EPHA3: variants seen among roughly 807,000 people sequenced by gnomAD.
EPHA3 encodes the protein EPH receptor A3, also known as ephrin type-A receptor 3.
In EPHA3, 42 loss-of-function variants were observed where a neutral mutation model predicts 107.1. The ratio of observed to expected loss-of-function variants is 0.39; its 90% confidence interval spans 0.31 to 0.51. The LOEUF (loss-of-function observed/expected upper bound fraction) is 0.51. Ranked by LOEUF, EPHA3 falls within the 20% of genes least tolerant of loss-of-function variation. The probability of loss-of-function intolerance (pLI) is 0.78; values close to 1 mark genes in which losing one functional copy is unlikely to be tolerated. For missense variants in EPHA3, 1,183 were observed against 1,211.2 expected, an observed-to-expected ratio of 0.98 and a Z score of 0.35; for synonymous variants, 461 against 424.8, an observed-to-expected ratio of 1.09 and a Z score of -1.05.
At chr3:89,193,183 T>A (rs1357384824) in intron 2 of EPHA3, among the ~76,000 whole-genome samples, 2 of 152,000 alleles carry the variant, frequency 1.3e-5, no homozygotes, top group East Asian at 3.8e-4. Context: ...TATGAAATCA[T>A]TTGAGATGCC....
At position 89,266,013 on chromosome 3, in the gene EPHA3, A is replaced by G. The variant is rs1205742802; in HGVS notation, c.814+55493A>G. Among the ~76,000 whole-genome samples, 11 of 152,160 alleles carry G rather than the reference A, an allele frequency of 7.2e-5. 1 individual carries two copies. The highest frequency in any genetic ancestry group is 5.9e-5 in the Non-Finnish European group (4 of 68,012). Reference sequence around the variant, plus strand: ...TACTCAGGATTTTCCAGTCTGGCGGACACTACCAGAAGATATATAAACACA... The same window carrying G: ...TACTCAGGATTTTCCAGTCTGGCGGGCACTACCAGAAGATATATAAACACA... On this transcript the variant is annotated intron_variant, in intron 3 of 16. Coordinates refer to ENST00000336596, the MANE Select transcript of EPHA3 (RefSeq NM_005233.6).
chr3:89,110,459 A>T (rs1296029772), intron 1 of EPHA3, among the ~76,000 whole-genome samples: 1 of 151,942 alleles, frequency 6.6e-6, no homozygotes, highest in African/African-American at 2.4e-5. Context: ...TTTTCCTTCT[A>T]TTAATGTATT....
intron 3 of EPHA3, among the ~76,000 whole-genome samples, chr3:89,324,724 ATTCAGAGCATACATG>A (rs1707127404): frequency 6.6e-6 from 1 of 152,034 alleles, no homozygotes; most frequent in Non-Finnish European, 1.5e-5. Context: ...TTTATTTTAG[ATTCAGAGCATACATG>A]TTCAGGTTTG....
At chr3:89,377,990 A>G (rs1314813973) in intron 5 of EPHA3, among the ~76,000 whole-genome samples, 2 of 152,086 alleles carry the variant, frequency 1.3e-5, no homozygotes, top group Non-Finnish European at 2.9e-5. Flanking sequence ...ATTCTTTTTT[A>G]AAACTAAGTG....
intron 2 of EPHA3, among the ~76,000 whole-genome samples, chr3:89,185,841 GAGGGATAAATGGT>G (rs1705551194): frequency 6.6e-6 from 1 of 152,072 alleles, no homozygotes; most frequent in Non-Finnish European, 1.5e-5. Context: ...ACAGGATTTA[GAGGGATAAATGGT>G]TCAGTAGTGG....
At chr3:89,410,421 T>C (rs1422893855) in intron 9 of EPHA3, among the ~76,000 whole-genome samples, 2 of 152,010 alleles carry the variant, frequency 1.3e-5, no homozygotes. Context: ...TGAGACATTG[T>C]TCCTAACAAC....
chr3:89,222,336 T>C (rs866194957), intron 3 of EPHA3, among the ~76,000 whole-genome samples: 96 of 144,518 alleles, frequency 6.6e-4, no homozygotes, highest in South Asian at 1.5e-3. Flanking sequence ...CATATATATA[T>C]ATATATATAT....
At chr3:89,213,186 G>A (rs1199264966) in intron 3 of EPHA3, among the ~76,000 whole-genome samples, 1 of 151,974 alleles carries the variant, frequency 6.6e-6, no homozygotes, top group African/African-American at 2.4e-5. Context: ...GCTCATGAGT[G>A]TGAATGAACT....
rs140064295 is a variant in EPHA3 at position 89,285,110 on chromosome 3, G to A, written c.815-55806G>A. 3.3e-3 allele frequency among the ~76,000 whole-genome samples: 509 copies of A among 152,184 alleles called. 1 individual carries two copies. The highest frequency in any genetic ancestry group is 0.012 in the African/African-American group (484 of 41,518). On this transcript the variant is annotated intron_variant, in intron 3 of 16. Coordinates refer to ENST00000336596, the MANE Select transcript of EPHA3 (RefSeq NM_005233.6). ...TGCACTCCAGCTTGGGCAACAGAGC[G>A]AAACTCTGTCTCAAATAAATAAATA... is the stretch of plus-strand genomic sequence containing the variant.
intron 2 of EPHA3, among the ~76,000 whole-genome samples, chr3:89,142,917 T>A (rs901643276): frequency 1.1e-4 from 16 of 151,360 alleles, no homozygotes; most frequent in Non-Finnish European, 2.1e-4. Context: ...TTCAAAAAAT[T>A]GAAATGACTG....
At chr3:89,235,193 A>C (rs1704729259) in intron 3 of EPHA3, among the ~76,000 whole-genome samples, 1 of 151,906 alleles carries the variant, frequency 6.6e-6, no homozygotes, top group South Asian at 2.1e-4. Context: ...AAGTGCTGGG[A>C]TTACAGGTGT....
chr3:89,225,403 A>G (rs1423014296), intron 3 of EPHA3, among the ~76,000 whole-genome samples: 3 of 152,196 alleles, frequency 2.0e-5, no homozygotes, highest in Admixed American at 2.0e-4. Flanking sequence ...TGGAACCTTT[A>G]CATTTTCAAC....
chr3:89,204,502 ACACAC>A (rs1365851082), intron 2 of EPHA3, among the ~76,000 whole-genome samples: 3 of 85,136 alleles, frequency 3.5e-5, no homozygotes, highest in African/African-American at 9.5e-5. Context: ...ACACACACAC[ACACAC>A]CCCAAACAAA....
chr3:89,236,216 C>T (rs1007021598), intron 3 of EPHA3, among the ~76,000 whole-genome samples: 1 of 151,952 alleles, frequency 6.6e-6, no homozygotes, highest in South Asian at 2.1e-4. Context: ...CTAAGCCTTT[C>T]TTCTCCTAAA....
intron 2 of EPHA3, among the ~76,000 whole-genome samples, chr3:89,208,143 G>A (rs1471316074): frequency 6.6e-6 from 1 of 152,012 alleles, no homozygotes; most frequent in African/African-American, 2.4e-5. Context: ...GGAGGCCAGG[G>A]CAGGTGGATC....
chr3:89,419,129 T>A, intron 10 of EPHA3, 76 bp from the exon 11 acceptor site: 1 of 1,400,166 alleles, frequency 7.1e-7, no homozygotes, highest in Non-Finnish European at 9.6e-7. Flanking sequence ...AATTTTGAAA[T>A]AAAACAGTTG....
intron 3 of EPHA3, among the ~76,000 whole-genome samples, chr3:89,304,991 G>T (rs1706580141): frequency 6.6e-6 from 1 of 152,134 alleles, no homozygotes; most frequent in Non-Finnish European, 1.5e-5. Context: ...CTTTAGCCAT[G>T]CAATTAAAAG....
intron 13 of EPHA3, among the ~76,000 whole-genome samples, chr3:89,434,095 T>C (rs1474152264): frequency 6.6e-6 from 1 of 152,184 alleles, no homozygotes; most frequent in African/African-American, 2.4e-5. Flanking sequence ...AATCATATTA[T>C]GCCAGAAAAA....
intron 15 of EPHA3, among the ~76,000 whole-genome samples, chr3:89,459,369 T>C (rs566710800): frequency 4.6e-5 from 7 of 152,292 alleles, no homozygotes; most frequent in East Asian, 3.9e-4. Flanking sequence ...TCTCTTTTTT[T>C]ATAAGAATCA....
Sources: allele counts gnomAD v4.1 joint callset (sites outside exome capture counted in the v4.1 genomes callset), GRCh38; gene constraint gnomAD v4.1.1; transcripts MANE v1.5; gene names NCBI Gene and HGNC (gene_info 2026-07-23, HGNC 2026-07-21).